CDH8: variants seen among roughly 807,000 people sequenced by gnomAD.
CDH8 encodes cadherin-8.
In CDH8, 17 loss-of-function variants were observed where a neutral mutation model predicts 68.1. That is an observed-to-expected ratio of 0.25 (90% CI 0.17 to 0.37). CDH8 has a LOEUF of 0.37. Among genes scored for constraint, CDH8 ranks in the 10% least tolerant of loss-of-function variants. CDH8 has a pLI of 1.00. For missense variants in CDH8, 763 were observed against 999.3 expected (o/e 0.76, Z 3.19); for synonymous variants, 372 against 365.1 (o/e 1.02, Z -0.21).
At chr16:61,998,898 A>AG (rs1430311159) in intron 2 of CDH8, among the ~76,000 whole-genome samples, 2 of 152,182 alleles carry the variant, frequency 1.3e-5, no homozygotes, top group African/African-American at 4.8e-5. Context: ...ATCAATACAG[A>AG]GGGGAAAAAA....
intron 8 of CDH8, among the ~76,000 whole-genome samples, chr16:61,767,229 A>G (rs755695093): frequency 3.9e-5 from 6 of 151,972 alleles, no homozygotes; most frequent in Non-Finnish European, 8.8e-5. Flanking sequence ...AACATAAGCT[A>G]TGATTGTTAG....
Position 61,653,151 on chromosome 16 carries a change from G to T in CDH8, c.*457C>A, listed in dbSNP as rs1963362052. 3 of 1,233,934 alleles carry T rather than the reference G, an allele frequency of 2.4e-6. No homozygotes were observed. In the East Asian group the frequency reaches 9.6e-5, roughly 39 times the overall value. The allele number at this position is 1,233,934 out of a possible 1,614,324, so 76.4% of individuals were successfully genotyped here. ...CAGACCAAGTATTGCTTTATCATTT[G>T]TGGCGGGATCCTTATTGGTGAAGGG... On this transcript the variant is annotated 3_prime_UTR_variant, in exon 12 of 12. Transcript: ENST00000577390.
intron 5 of CDH8, among the ~76,000 whole-genome samples, chr16:61,823,414 T>C (rs1596998084): frequency 6.6e-6 from 1 of 151,926 alleles, no homozygotes; most frequent in African/African-American, 2.4e-5. Flanking sequence ...AATATTATCA[T>C]TTATCTTCCT....
In CDH8 at chr16:62,024,714, C is replaced by T. The variant is rs573857813; in HGVS notation, c.-199-3112G>A. Among the ~76,000 whole-genome samples the T allele has an allele frequency of 7.9e-5, 12 of 152,294 alleles. No individual in the cohort carries two copies. In the South Asian group the frequency reaches 2.5e-3, roughly 32 times the overall value. ...CGAATAGTATCCACTAACACAATATCTTACTGTTAGATAAAGCATATAATG... is the reference window on the plus strand; with the variant it reads ...CGAATAGTATCCACTAACACAATATTTTACTGTTAGATAAAGCATATAATG... On this transcript the variant is annotated intron_variant, in intron 1 of 11. Coordinates refer to ENST00000577390, the MANE Select transcript of CDH8 (RefSeq NM_001796.5).
intron 8 of CDH8, among the ~76,000 whole-genome samples, chr16:61,768,395 C>CCCCT (rs1960684042): frequency 4.3e-5 from 1 of 23,440 alleles, no homozygotes; most frequent in Non-Finnish European, 7.4e-5. Flanking sequence ...TCTCTCTCTC[C>CCCCT]CTTTCTCTCT....
chr16:61,707,227 G>A (rs534733905), intron 10 of CDH8, among the ~76,000 whole-genome samples: 19 of 152,274 alleles, frequency 1.2e-4, no homozygotes, highest in Admixed American at 5.2e-4. Flanking sequence ...AATTTTAATA[G>A]AGAGGAAGAG....
At position 61,654,096 on chromosome 16, in the gene CDH8, C is replaced by T. The variant is rs749935575; in HGVS notation, c.1912G>A (p.Val638Met). Residue 638 changes from valine to methionine, a missense_variant, in exon 12 of 12, where the codon GTG becomes ATG. By Grantham distance (21) the Val-to-Met change is conservative (BLOSUM62 1). This residue lies in a region of CDH8 where 397 missense variants were observed against 436.2 expected (regional missense o/e 0.91). Transcript: ENST00000577390. ...CGCCGTAGAGTTACAAACAGCACCACGATGACTAGAGGAAAAATATTAAAT... is the reference window on the plus strand; with the variant it reads ...CGCCGTAGAGTTACAAACAGCACCATGATGACTAGAGGAAAAATATTAAAT... ...LACIILLLVI[V>M]VLFVTLRRHK... The T allele has an allele frequency of 3.7e-6, 6 of 1,609,146 alleles. No homozygotes were observed. Among genetic ancestry groups the T allele is most frequent in the Non-Finnish European group, 5.1e-6 (6 of 1,177,588 alleles).
intron 2 of CDH8, among the ~76,000 whole-genome samples, chr16:61,993,453 G>A (rs1965761306): frequency 6.6e-6 from 1 of 152,082 alleles, no homozygotes; most frequent in African/African-American, 2.4e-5. Flanking sequence ...TTGAGTAGCT[G>A]GGATTACAGG....
In CDH8 at chr16:61,732,309, T is replaced by C. The variant is rs184191472; in HGVS notation, c.1415-5094A>G. ...AAACACAAAGAGACTCACAGACATA[T>C]CATATCTAAAATGCTAAAAGCCAAA... On this transcript the variant is annotated intron_variant, in intron 8 of 11. Coordinates refer to ENST00000577390, the MANE Select transcript of CDH8 (RefSeq NM_001796.5). Among the ~76,000 whole-genome samples, 597 of 151,764 alleles carry C rather than the reference T, an allele frequency of 3.9e-3. 4 individuals carry two copies. The highest frequency in any genetic ancestry group is 0.013 in the African/African-American group (539 of 41,430).
At chr16:61,732,775 T>C (rs8056516) in intron 8 of CDH8, among the ~76,000 whole-genome samples, 24,944 of 151,812 alleles carry the variant, frequency 0.16, 2,483 homozygotes, top group African/African-American at 0.28. Flanking sequence ...TTAACCATAA[T>C]TGCATAAAAC....
At position 61,653,663 on chromosome 16, in the gene CDH8, CG is replaced by C; in HGVS notation, c.2344del (p.Arg782AlafsTer23). ...GTAGAGTTCGCCCAGTCTCTTAAAGCGGGGACCCCAGTCACTGAGGTAGTCA... is the reference window on the plus strand; with the variant it reads ...GTAGAGTTCGCCCAGTCTCTTAAAGCGGGACCCCAGTCACTGAGGTAGTCA... ...NFDYLSDWGP[R>X]FKRLGELYSV... On this transcript the variant is annotated frameshift_variant, in exon 12 of 12. Coordinates refer to ENST00000577390, the MANE Select transcript of CDH8 (RefSeq NM_001796.5). LOFTEE classifies it high-confidence loss of function. 6.2e-7 allele frequency: 1 copy of C among 1,613,990 alleles called. No homozygotes were observed. The highest frequency in any genetic ancestry group is 8.5e-7 in the Non-Finnish European group (1 of 1,179,956).
chr16:61,706,279 G>A (rs2142857476), intron 10 of CDH8, among the ~76,000 whole-genome samples: 1 of 152,298 alleles, frequency 6.6e-6, no homozygotes, highest in Non-Finnish European at 1.5e-5. Context: ...GAGGGATAAA[G>A]CAGAGGATGG....
intron 3 of CDH8, among the ~76,000 whole-genome samples, chr16:61,873,044 T>G (rs934650302): frequency 1.3e-5 from 2 of 152,214 alleles, no homozygotes; most frequent in Non-Finnish European, 2.9e-5. Context: ...GATAACAGCT[T>G]AAACTTTATT....
In CDH8 at chr16:62,031,075, C is replaced by T. The variant is rs186859123; in HGVS notation, c.-200+5005G>A. Among the ~76,000 whole-genome samples the T allele has an allele frequency of 7.2e-5, 11 of 152,252 alleles. No homozygotes were observed. In the East Asian group the frequency reaches 1.9e-3, roughly 27 times the overall value. On this transcript the variant is annotated intron_variant, in intron 1 of 11. Coordinates refer to ENST00000577390, the MANE Select transcript of CDH8 (RefSeq NM_001796.5). ...TACAGACATTGAGTCACCCATGCAG[C>T]AACTCCACAATTAGTGCATTTTTTT...
At chr16:61,994,822 A>G (rs2150592107) in intron 2 of CDH8, among the ~76,000 whole-genome samples, 1 of 152,316 alleles carries the variant, frequency 6.6e-6, no homozygotes, top group East Asian at 1.9e-4. Context: ...ATATTTCTCA[A>G]TTCTTGTTTC....
chr16:62,015,729 T>G (rs1901923733), intron 2 of CDH8, among the ~76,000 whole-genome samples: 1 of 152,134 alleles, frequency 6.6e-6, no homozygotes, highest in Non-Finnish European at 1.5e-5. Flanking sequence ...AATTTGGTCA[T>G]GAGGGTGGAA....
chr16:62,012,331 T>C (rs1229585151), intron 2 of CDH8, among the ~76,000 whole-genome samples: 1 of 152,216 alleles, frequency 6.6e-6, no homozygotes, highest in Non-Finnish European at 1.5e-5. Context: ...ATATCTGGTC[T>C]ATTCCATAGT....
chr16:61,965,011 T>A (rs534342042), intron 2 of CDH8, among the ~76,000 whole-genome samples: 1 of 152,172 alleles, frequency 6.6e-6, no homozygotes, highest in South Asian at 2.1e-4. Flanking sequence ...CCTACCTCCA[T>A]CTACCCCAAG....
rs576824870 is a variant in CDH8 at position 61,835,787 on chromosome 16, G to A, written c.668-10608C>T. 1.3e-3 allele frequency among the ~76,000 whole-genome samples: 197 copies of A among 152,008 alleles called. 2 individuals are homozygous for A. Among genetic ancestry groups the A allele is most frequent in the African/African-American group, 4.6e-3 (191 of 41,504 alleles). ...GTATATTATGGTTTAAAAAAGCAAAGTGAAAGTCACTACAAAATTGGATGC... is the reference window on the plus strand; with the variant it reads ...GTATATTATGGTTTAAAAAAGCAAAATGAAAGTCACTACAAAATTGGATGC... On this transcript the variant is annotated intron_variant, in intron 4 of 11. Transcript: ENST00000577390.
Sources: gnomAD v4.1 joint callset for allele counts (sites outside exome capture counted in the v4.1 genomes callset) on GRCh38, gnomAD v4.1.1 for gene constraint, gnomAD v4.1.1 regional missense constraint, MANE v1.5 for transcripts, NCBI Gene and HGNC (gene_info 2026-07-23, HGNC 2026-07-21) for gene names.